The following BMPR2 variants were observed in gnomAD, a reference collection of about 807,000 sequenced individuals.
BMPR2 encodes bone morphogenetic protein receptor type 2, also known as bone morphogenetic protein receptor type-2.
In BMPR2, 29 loss-of-function variants were observed where a neutral mutation model predicts 100.8. The observed-to-expected ratio is 0.29, with a 90% CI of 0.21 to 0.39. The LOEUF is 0.39. Among genes scored for constraint, BMPR2 ranks in the 10% least tolerant of loss-of-function variants. The probability of loss-of-function intolerance (pLI) is 1.00; values close to 1 mark genes in which losing one functional copy is unlikely to be tolerated. For synonymous variants in BMPR2, 382 were observed against 442.3 expected, an observed-to-expected ratio of 0.86 and a Z score of 1.71; for missense variants, 1,011 against 1,274.5, an observed-to-expected ratio of 0.79 and a Z score of 3.15.
chr2:202,537,738 A>G (rs960299816), intron 9 of BMPR2, among the ~76,000 whole-genome samples: 1 of 152,182 alleles, frequency 6.6e-6, no homozygotes, highest in Non-Finnish European at 1.5e-5. Flanking sequence ...GCTTTAAAAT[A>G]CCCCGTAATC....
chr2:202,424,521 C>T (rs2105926654), intron 1 of BMPR2, among the ~76,000 whole-genome samples: 1 of 152,092 alleles, frequency 6.6e-6, no homozygotes, highest in South Asian at 2.1e-4. Flanking sequence ...CACAGTGAAA[C>T]CCCGTCTCTA....
At chr2:202,462,229 A>AT (rs550364869) in intron 1 of BMPR2, among the ~76,000 whole-genome samples, 38,141 of 135,160 alleles carry the variant, frequency 0.28, 6,173 homozygotes, top group Middle Eastern at 0.44. Flanking sequence ...AGGAACCACT[A>AT]TTTTTTTTTT....
chr2:202,387,031 T>TA (rs1477162987), intron 1 of BMPR2, among the ~76,000 whole-genome samples: 3 of 152,294 alleles, frequency 2.0e-5, no homozygotes, highest in Non-Finnish European at 2.9e-5. Flanking sequence ...TGCTTAAAAC[T>TA]ATTGTCTTCC....
At position 202,532,032 on chromosome 2, in the gene BMPR2, C is replaced by CG. The variant is rs986983760; in HGVS notation, c.1129-550dup. Among the ~76,000 whole-genome samples, 9 of 147,110 alleles carry CG rather than the reference C, an allele frequency of 6.1e-5. No homozygotes were observed. The highest frequency in any genetic ancestry group is 2.3e-4 in the African/African-American group (9 of 39,820). On this transcript the variant is annotated intron_variant, in intron 8 of 12. Transcript: ENST00000374580. The surrounding 1 kb of genome is among the most constrained non-coding windows in gnomAD (Gnocchi z 4.1). ...ATGGCTCACTGCAAGCTCCATCTCC[C>CG]GGGTTCACGCTATTTTCCTGCCTCG...
intron 5 of BMPR2, among the ~76,000 whole-genome samples, chr2:202,517,705 T>C (rs1344216552): frequency 1.3e-5 from 2 of 152,108 alleles, no homozygotes; most frequent in Non-Finnish European, 2.9e-5. Flanking sequence ...GGCTTTCCTC[T>C]CTCTGAATTT....
intron 10 of BMPR2, among the ~76,000 whole-genome samples, chr2:202,550,996 G>C (rs188874794): frequency 8.8e-6 from 1 of 113,144 alleles, no homozygotes; most frequent in East Asian, 2.7e-4. Context: ...TTGCTCTGTC[G>C]CCCAGGCTGG....
chr2:202,511,170 C>T (rs1205221744), intron 3 of BMPR2, among the ~76,000 whole-genome samples: 1 of 152,198 alleles, frequency 6.6e-6, no homozygotes, highest in South Asian at 2.1e-4. Flanking sequence ...CTTCCTCTCC[C>T]AGTCCCTGGC....
intron 1 of BMPR2, among the ~76,000 whole-genome samples, chr2:202,461,478 C>T (rs994158450): frequency 6.6e-6 from 1 of 151,370 alleles, no homozygotes; most frequent in African/African-American, 2.4e-5. Flanking sequence ...AGCAAGACTC[C>T]GTCTCAAAAA....
At chr2:202,419,128 C>T (rs1186881838) in intron 1 of BMPR2, among the ~76,000 whole-genome samples, 1 of 152,050 alleles carries the variant, frequency 6.6e-6, no homozygotes, top group Non-Finnish European at 1.5e-5. Flanking sequence ...AGAGTTTAGT[C>T]CTCAGATGGC....
intron 1 of BMPR2, among the ~76,000 whole-genome samples, chr2:202,391,668 C>T (rs148038406): frequency 5.3e-4 from 81 of 151,530 alleles, no homozygotes; most frequent in African/African-American, 1.8e-3. Context: ...TTCACTGCAG[C>T]GTCTGCCTCC....
At position 202,376,509 on chromosome 2, in the gene BMPR2, C is replaced by CGAGGCGGCG. The variant is rs963755287; in HGVS notation, c.-964_-956dup. 2.9e-4 allele frequency among the ~76,000 whole-genome samples: 27 copies of CGAGGCGGCG among 91,552 alleles called. No homozygotes were observed. Among genetic ancestry groups the CGAGGCGGCG allele is most frequent in the Non-Finnish European group, 5.0e-4 (21 of 42,226 alleles). The allele number at this position is 91,552 out of a possible 152,430, so 60.1% of individuals were successfully genotyped here. ...TCAGGAGCCCAGAGCTGCGGGAGAA[C>CGAGGCGGCG]GAGGCGGCGGCGGCGGCGGCGGCGG... is the stretch of plus-strand genomic sequence containing the variant. On this transcript the variant is annotated 5_prime_UTR_variant, in exon 1 of 13. Coordinates refer to ENST00000374580, the MANE Select transcript of BMPR2 (RefSeq NM_001204.7).
intron 1 of BMPR2, among the ~76,000 whole-genome samples, chr2:202,381,176 T>C (rs1690284987): frequency 6.6e-6 from 1 of 151,922 alleles, no homozygotes; most frequent in African/African-American, 2.4e-5. Context: ...GGTTTTACCA[T>C]ATTGGCCAGG....
intron 1 of BMPR2, among the ~76,000 whole-genome samples, chr2:202,440,528 G>A (rs1414475621): frequency 1.3e-5 from 2 of 149,700 alleles, no homozygotes; most frequent in African/African-American, 2.5e-5. Flanking sequence ...GATGATGGGC[G>A]GCCAGGCAGA....
chr2:202,532,200 C>T lies in BMPR2; in HGVS notation c.1129-385C>T, dbSNP rs1410978845. On this transcript the variant is annotated intron_variant, in intron 8 of 12. Transcript: ENST00000374580. The surrounding 1 kb of genome is among the most constrained non-coding windows in gnomAD (Gnocchi z 4.1). ...TTGAGATCCACCCGCCTTGGCCTCC[C>T]AAAGTGCTAGGATTACAGGCATGAG... Among the ~76,000 whole-genome samples, 1 of 151,952 alleles carries T rather than the reference C, an allele frequency of 6.6e-6. No individual in the cohort carries two copies. Among genetic ancestry groups the T allele is most frequent in the East Asian group, 1.9e-4 (1 of 5,186 alleles).
chr2:202,553,305 C>T (rs1688513161), intron 11 of BMPR2, among the ~76,000 whole-genome samples: 1 of 151,866 alleles, frequency 6.6e-6, no homozygotes, highest in Non-Finnish European at 1.5e-5. Flanking sequence ...ACCACTGTTT[C>T]ACTGACACTA....
chr2:202,466,258 C>G (rs67714233), intron 2 of BMPR2, among the ~76,000 whole-genome samples: 50,188 of 152,012 alleles, frequency 0.33, 9,268 homozygotes, highest in African/African-American at 0.5. Flanking sequence ...ACTGTATGAA[C>G]GTGTCTGTGT....
intron 7 of BMPR2, among the ~76,000 whole-genome samples, chr2:202,524,310 C>T (rs189612602): frequency 5.7e-4 from 85 of 149,018 alleles, no homozygotes; most frequent in Non-Finnish European, 4.7e-4. Flanking sequence ...TGCAGTGAGC[C>T]GAGATCGCGC....
At chr2:202,390,652 T>C (rs1258294429) in intron 1 of BMPR2, among the ~76,000 whole-genome samples, 3 of 152,072 alleles carry the variant, frequency 2.0e-5, no homozygotes, top group East Asian at 3.9e-4. Flanking sequence ...CATTTTCTTA[T>C]ACCTTTTCAA....
chr2:202,427,692 T>C (rs1430140292), intron 1 of BMPR2, among the ~76,000 whole-genome samples: 2 of 152,142 alleles, frequency 1.3e-5, no homozygotes, highest in Non-Finnish European at 2.9e-5. Context: ...GAAATACTTT[T>C]TATGGTTGGA....
Sources: gnomAD v4.1 joint callset for allele counts (sites outside exome capture counted in the v4.1 genomes callset) on GRCh38, gnomAD v4.1.1 for gene constraint, Gnocchi (gnomAD v3.1) non-coding constraint, MANE v1.5 for transcripts, NCBI Gene and HGNC (gene_info 2026-07-23, HGNC 2026-07-21) for gene names.